KIF26B: variants seen among roughly 807,000 people sequenced by gnomAD.
KIF26B encodes kinesin family member 26B.
Under a neutral mutation model 151.2 loss-of-function variants are expected in KIF26B, and 63 were observed. That is an observed-to-expected ratio of 0.42 (90% CI 0.34 to 0.51). KIF26B has a LOEUF of 0.51. Ranked by LOEUF, KIF26B falls within the 20% of genes least tolerant of loss-of-function variation. KIF26B has a pLI of 0.07. For synonymous variants in KIF26B, 1,357 were observed against 1,262.1 expected (o/e 1.08, Z -1.59); for missense variants, 2,813 against 2,913.6 (o/e 0.97, Z 0.79).
rs577970063 is a variant in KIF26B, at chr1:245,532,883, G to A, written c.1167-7884G>A. ...AGGTGGATGCTCTTATTCCCGATAC[G>A]GAGAAGTTCCAGAATGACTAGCGTG... On this transcript the variant is annotated intron_variant, in intron 4 of 14. Transcript: ENST00000407071. Among the ~76,000 whole-genome samples the A allele has an allele frequency of 5.9e-5, 9 of 152,290 alleles. No individual in the cohort carries two copies. The South Asian group carries it at 1.2e-3, about 21-fold the overall frequency.
At position 245,601,201 on chromosome 1, in the gene KIF26B, C is replaced by T. The variant is rs1046394528; in HGVS notation, c.1351-1376C>T. 3.3e-5 allele frequency among the ~76,000 whole-genome samples: 5 copies of T among 151,776 alleles called. No homozygotes were observed. The East Asian group carries it at 7.8e-4, about 24-fold the overall frequency. ...CTCCTTCTACTGGGACACTGGCTTCCGGATCTCCACGGAGAACTGTTCTTA... is the reference window on the plus strand; with the variant it reads ...CTCCTTCTACTGGGACACTGGCTTCTGGATCTCCACGGAGAACTGTTCTTA... On this transcript the variant is annotated intron_variant, in intron 5 of 14. Coordinates refer to ENST00000407071, the MANE Select transcript of KIF26B (RefSeq NM_018012.4). The surrounding 1 kb of genome is among the most constrained non-coding windows in gnomAD (Gnocchi z 4.4).
Position 245,687,694 on chromosome 1 carries a change from C to T in KIF26B, c.4711C>T (p.Pro1571Ser), listed in dbSNP as rs765214966. ...CGGGGTGGGTGCAGCCTCGGGCACC[C>T]CGCCCTCCAAGGCTACCCTGGAGGG... ...TNGVGAASGT[P>S]PSKATLEGKV... is the part of the protein sequence containing the mutation. The change falls in exon 12 of 15, where the codon CCG (proline) becomes TCG (serine). Residue 1571 changes from proline (P) to serine (S), a missense_variant. Pro to Ser is a moderately conservative substitution (Grantham distance 74). Around this residue, in one of 3 missense-constraint regions of KIF26B, gnomAD observed 2,060 missense variants for 2,088.6 expected, o/e 0.99. Coordinates refer to ENST00000407071, the MANE Select transcript of KIF26B (RefSeq NM_018012.4). The surrounding 1 kb of genome is among the most constrained non-coding windows in gnomAD (Gnocchi z 4.9). The T allele has an allele frequency of 1.3e-6, 2 of 1,582,320 alleles. No homozygotes were observed. Among genetic ancestry groups the T allele is most frequent in the Non-Finnish European group, 1.7e-6 (2 of 1,164,588 alleles).
At chr1:245,670,981 C>T (rs1373471850) in intron 10 of KIF26B, among the ~76,000 whole-genome samples, 1 of 152,182 alleles carries the variant, frequency 6.6e-6, no homozygotes. Flanking sequence ...ACCATCCCCA[C>T]ATCCCCCATA....
intron 2 of KIF26B, among the ~76,000 whole-genome samples, chr1:245,342,376 C>G (rs2102996406): frequency 6.6e-6 from 1 of 152,202 alleles, no homozygotes; most frequent in East Asian, 1.9e-4. Context: ...TATATAAATT[C>G]ACTTTTGCAA....
chr1:245,337,418 G>C (rs1007478432), intron 2 of KIF26B, among the ~76,000 whole-genome samples: 2 of 151,896 alleles, frequency 1.3e-5, no homozygotes, highest in African/African-American at 4.8e-5. Context: ...CTGACTTCAA[G>C]TGATCCATCC....
chr1:245,254,815 T>C (rs1303102119), intron 2 of KIF26B, among the ~76,000 whole-genome samples: 1 of 152,218 alleles, frequency 6.6e-6, no homozygotes, highest in Non-Finnish European at 1.5e-5. Flanking sequence ...TGTGGGCTTT[T>C]GCCATGCCTG....
intron 2 of KIF26B, among the ~76,000 whole-genome samples, chr1:245,159,014 C>T (rs139380561): frequency 0.016 from 2,458 of 152,274 alleles, 220 homozygotes; most frequent in Admixed American, 0.15. Context: ...GACTTTTCTT[C>T]TTCCCGGAGC....
chr1:245,510,082 C>G (rs1288034712), intron 4 of KIF26B, among the ~76,000 whole-genome samples: 1 of 152,176 alleles, frequency 6.6e-6, no homozygotes, highest in African/African-American at 2.4e-5. Context: ...AAGCTCCTGC[C>G]TCGCCTCTCT....
At position 245,684,306 on chromosome 1, in the gene KIF26B, A is replaced by G. The variant is rs368863207; in HGVS notation, c.2332A>G (p.Ile778Val). Residue 778 changes from isoleucine to valine, a missense_variant, in exon 11 of 15, where the codon ATC (isoleucine) becomes GTC (valine). Transcript: ENST00000407071. ...MNCRTTMIAH[I>V]SAAVGSYAET... Reference sequence around the variant, plus strand: ...CTGCCGTACCACCATGATCGCGCACATCTCGGCCGCGGTCGGGAGCTACGC... The same window carrying G: ...CTGCCGTACCACCATGATCGCGCACGTCTCGGCCGCGGTCGGGAGCTACGC... The G allele has an allele frequency of 3.7e-5, 59 of 1,613,830 alleles. No individual in the cohort carries two copies. Among genetic ancestry groups the G allele is most frequent in the Non-Finnish European group, 4.2e-5 (49 of 1,179,884 alleles).
intron 3 of KIF26B, among the ~76,000 whole-genome samples, chr1:245,418,333 C>T (rs547036777): frequency 2.6e-5 from 4 of 152,268 alleles, no homozygotes; most frequent in Admixed American, 1.3e-4. Flanking sequence ...CCTTATAATG[C>T]GTTAAATGAA....
At chr1:245,619,101 C>T (rs1235829324) in intron 9 of KIF26B, among the ~76,000 whole-genome samples, 2 of 139,702 alleles carry the variant, frequency 1.4e-5, no homozygotes, top group Non-Finnish European at 3.1e-5. Flanking sequence ...GACAGAGTGC[C>T]ACAGTGCTGG....
At chr1:245,527,523 G>GTTTTTTT (rs1219756621) in intron 4 of KIF26B, among the ~76,000 whole-genome samples, 22 of 40,514 alleles carry the variant, frequency 5.4e-4, no homozygotes, top group Non-Finnish European at 9.5e-4. Flanking sequence ...CTTTGGGATG[G>GTTTTTTT]CTTTTTTTTT....
At chr1:245,192,157 GA>G (rs1669120857) in intron 2 of KIF26B, among the ~76,000 whole-genome samples, 1 of 152,138 alleles carries the variant, frequency 6.6e-6, no homozygotes, top group African/African-American at 2.4e-5. Flanking sequence ...CAGCATTAGG[GA>G]AATGGTTACA....
chr1:245,577,321 T>C (rs1307577910), intron 5 of KIF26B, among the ~76,000 whole-genome samples: 7 of 152,178 alleles, frequency 4.6e-5, no homozygotes, highest in Non-Finnish European at 7.3e-5. Context: ...AAATGTCCCC[T>C]GTCACACAGC....
rs2044838859 is a variant in KIF26B at position 245,706,197 on chromosome 1, A to G, written c.*3591A>G. On this transcript the variant is annotated 3_prime_UTR_variant, in exon 15 of 15. Coordinates refer to ENST00000407071, the MANE Select transcript of KIF26B (RefSeq NM_018012.4). ...TTCAGTCCAGCCGCATCTACCATCCAGGGTGGAGGTTCAAAAAGTCTTATA... is the reference window on the plus strand; with the variant it reads ...TTCAGTCCAGCCGCATCTACCATCCGGGGTGGAGGTTCAAAAAGTCTTATA... The G allele has an allele frequency of 6.6e-6, 1 of 152,220 alleles. No homozygotes were observed. The highest frequency in any genetic ancestry group is 1.5e-5 in the Non-Finnish European group (1 of 68,050). 9.4% of individuals were successfully genotyped at this position (152,220 alleles called of 1,614,324 possible). A position where few individuals can be genotyped will look rare whatever the true frequency, so the allele number is the denominator to read the frequency against.
chr1:245,188,011 G>T (rs1201654499), intron 2 of KIF26B, among the ~76,000 whole-genome samples: 1 of 152,078 alleles, frequency 6.6e-6, no homozygotes, highest in East Asian at 1.9e-4. Context: ...CGGGCGCGGT[G>T]GCTCATGCCT....
intron 4 of KIF26B, among the ~76,000 whole-genome samples, chr1:245,429,933 C>T (rs1658738767): frequency 6.6e-6 from 1 of 151,930 alleles, no homozygotes; most frequent in African/African-American, 2.4e-5. Flanking sequence ...GTTTTATAGC[C>T]CTAGAAAAAC....
At chr1:245,369,902 G>A (rs930905440) in intron 3 of KIF26B, among the ~76,000 whole-genome samples, 5 of 152,204 alleles carry the variant, frequency 3.3e-5, no homozygotes, top group African/African-American at 4.8e-5. Flanking sequence ...AACCAGTGGC[G>A]TCCTGTGCAG....
intron 9 of KIF26B, among the ~76,000 whole-genome samples, chr1:245,638,118 ATTC>A (rs1316578582): frequency 6.6e-6 from 1 of 151,648 alleles, no homozygotes; most frequent in African/African-American, 2.4e-5. Flanking sequence ...AATAATATTA[ATTC>A]TTCTTTGAGC....
Sources: gnomAD v4.1 joint callset for allele counts (sites outside exome capture counted in the v4.1 genomes callset) on GRCh38, gnomAD v4.1.1 for gene constraint, gnomAD v4.1.1 regional missense constraint, Gnocchi (gnomAD v3.1) non-coding constraint, MANE v1.5 for transcripts, NCBI Gene and HGNC (gene_info 2026-07-23, HGNC 2026-07-21) for gene names.